Variants in GPC5 observed in about 807,000 individuals in gnomAD.
The protein encoded by GPC5 is glypican 5.
GPC5 carries 47 observed loss-of-function variants against 53.9 expected under a neutral mutation model. That is an observed-to-expected ratio of 0.87 (90% CI 0.69 to 1.11). The LOEUF (loss-of-function observed/expected upper bound fraction) is 1.11. GPC5 is among the 50% of genes most tolerant of loss of function. The pLI is 0.00. For missense variants in GPC5, 748 were observed against 713.1 expected (o/e 1.05, Z -0.56); for synonymous variants, 286 against 263.3 (o/e 1.09, Z -0.84).
intron 7 of GPC5, among the ~76,000 whole-genome samples, chr13:92,681,872 G>A (rs1887121571): frequency 6.6e-6 from 1 of 152,114 alleles, no homozygotes; most frequent in South Asian, 2.1e-4. Context: ...TCACCTCCCC[G>A]TGAGTGACCT....
intron 7 of GPC5, among the ~76,000 whole-genome samples, chr13:92,373,989 T>C (rs923433857): frequency 6.6e-6 from 1 of 152,194 alleles, no homozygotes; most frequent in African/African-American, 2.4e-5. Context: ...TATTCAATAA[T>C]TCTATTAATA....
intron 5 of GPC5, among the ~76,000 whole-genome samples, chr13:91,767,174 T>C (rs979754240): frequency 1.3e-5 from 2 of 152,172 alleles, no homozygotes; most frequent in African/African-American, 4.8e-5. Flanking sequence ...TAAAAATTAG[T>C]ATTAGGGATT....
At chr13:92,588,215 G>C (rs1196505691) in intron 7 of GPC5, among the ~76,000 whole-genome samples, 1 of 152,098 alleles carries the variant, frequency 6.6e-6, no homozygotes, top group Non-Finnish European at 1.5e-5. Context: ...TAAGGATGAT[G>C]GTTTCCAGCT....
At chr13:92,172,405 C>T (rs1220334239) in intron 7 of GPC5, among the ~76,000 whole-genome samples, 1 of 152,110 alleles carries the variant, frequency 6.6e-6, no homozygotes, top group East Asian at 1.9e-4. Flanking sequence ...CACGGGATGA[C>T]TCAAAGTATT....
At chr13:92,318,684 T>A (rs887343280) in intron 7 of GPC5, among the ~76,000 whole-genome samples, 1 of 152,196 alleles carries the variant, frequency 6.6e-6, no homozygotes, top group Non-Finnish European at 1.5e-5. Context: ...ACCATCTTAA[T>A]AAGCAGTAAT....
At chr13:91,522,840 T>C (rs148124708) in intron 2 of GPC5, among the ~76,000 whole-genome samples, 3 of 152,328 alleles carry the variant, frequency 2.0e-5, no homozygotes, top group East Asian at 1.9e-4. Flanking sequence ...GCAAAGGACA[T>C]GAACTCATCC....
intron 7 of GPC5, among the ~76,000 whole-genome samples, chr13:92,554,098 G>A (rs1882412875): frequency 1.3e-5 from 2 of 151,886 alleles, no homozygotes; most frequent in South Asian, 4.1e-4. Flanking sequence ...CCACAATCAT[G>A]GTTCAATAAG....
chr13:92,641,236 G>A (rs1050716782), intron 7 of GPC5, among the ~76,000 whole-genome samples: 2 of 152,126 alleles, frequency 1.3e-5, no homozygotes, highest in Non-Finnish European at 2.9e-5. Flanking sequence ...GCATGTAGAT[G>A]TCTTGTATTT....
chr13:91,724,910 A>T (rs1248249131), intron 3 of GPC5: 1 of 152,218 alleles, frequency 6.6e-6, no homozygotes, highest in Non-Finnish European at 1.5e-5. Flanking sequence ...CCGCTTTTTG[A>T]GTCTAATGAA....
At chr13:91,778,364 A>T (rs2037744851) in intron 5 of GPC5, among the ~76,000 whole-genome samples, 1 of 152,182 alleles carries the variant, frequency 6.6e-6, no homozygotes, top group Non-Finnish European at 1.5e-5. Flanking sequence ...GTTGGTCTCC[A>T]TCTTCTTCAC....
intron 7 of GPC5, among the ~76,000 whole-genome samples, chr13:92,291,622 C>T (rs1187438697): frequency 1.3e-5 from 2 of 152,216 alleles, no homozygotes; most frequent in African/African-American, 2.4e-5. Flanking sequence ...AAGCAGGCTG[C>T]TGGAGCCAGC....
intron 6 of GPC5, among the ~76,000 whole-genome samples, chr13:92,101,936 G>A (rs972778000): frequency 1.3e-5 from 2 of 152,206 alleles, no homozygotes; most frequent in Non-Finnish European, 2.9e-5. Flanking sequence ...ATGCATGTGA[G>A]TGCTCTGGAT....
chr13:91,844,427 G>C (rs1303035557), intron 5 of GPC5, among the ~76,000 whole-genome samples: 1 of 152,162 alleles, frequency 6.6e-6, no homozygotes, highest in Non-Finnish European at 1.5e-5. Context: ...AGATCAGATG[G>C]AGATGAGGTT....
chr13:91,613,576 C>T (rs1016548255), intron 2 of GPC5, among the ~76,000 whole-genome samples: 13 of 152,126 alleles, frequency 8.5e-5, no homozygotes, highest in Admixed American at 5.9e-4. Context: ...GTGCGTTATT[C>T]GCAAATCTTA....
At chr13:91,639,467 C>T (rs987441109) in intron 2 of GPC5, among the ~76,000 whole-genome samples, 9 of 152,166 alleles carry the variant, frequency 5.9e-5, no homozygotes, top group African/African-American at 2.2e-4. Flanking sequence ...CCCATGGTAA[C>T]CAGATATAGC....
At chr13:92,576,214 A>G (rs1883186053) in intron 7 of GPC5, among the ~76,000 whole-genome samples, 1 of 152,196 alleles carries the variant, frequency 6.6e-6, no homozygotes, top group Non-Finnish European at 1.5e-5. Flanking sequence ...AATGTGTTTT[A>G]TGAAAAGCTC....
chr13:92,814,206 A>G (rs926132087), intron 7 of GPC5, among the ~76,000 whole-genome samples: 2 of 152,006 alleles, frequency 1.3e-5, no homozygotes, highest in Non-Finnish European at 2.9e-5. Flanking sequence ...TTATGGGCAA[A>G]AATTAACTCA....
At chr13:92,206,163 TTTTA>T (rs1566484680) in intron 7 of GPC5, among the ~76,000 whole-genome samples, 2 of 62,384 alleles carry the variant, frequency 3.2e-5, no homozygotes, top group African/African-American at 7.8e-5. Context: ...TTATTTTTTT[TTTTA>T]TTTTTTTTTT....
chr13:92,621,637 T>C (rs1884872562), intron 7 of GPC5, among the ~76,000 whole-genome samples: 1 of 152,000 alleles, frequency 6.6e-6, no homozygotes, highest in Admixed American at 6.6e-5. Flanking sequence ...CTGGCCAACA[T>C]GGTGGAACCC....
Sources: allele counts gnomAD v4.1 joint callset (sites outside exome capture counted in the v4.1 genomes callset), GRCh38; gene constraint gnomAD v4.1.1; transcripts MANE v1.5; gene names NCBI Gene and HGNC (gene_info 2026-07-23, HGNC 2026-07-21).